TMEM108: variants seen among roughly 807,000 people sequenced by gnomAD.
The protein encoded by TMEM108 is cancer/testis antigen 124.
Under a neutral mutation model 35.1 loss-of-function variants are expected in TMEM108, and 12 were observed. That is an observed-to-expected ratio of 0.34 (90% CI 0.22 to 0.55). The LOEUF is 0.55. TMEM108 is among the 20% of genes least tolerant of loss of function. The pLI is 0.89. For synonymous variants in TMEM108, 287 were observed against 308.6 expected, an observed-to-expected ratio of 0.93 and a Z score of 0.73; for missense variants, 680 against 753.3, an observed-to-expected ratio of 0.90 and a Z score of 1.14.
chr3:133,201,475 C>T (rs887230361), intron 2 of TMEM108, among the ~76,000 whole-genome samples: 1 of 151,632 alleles, frequency 6.6e-6, no homozygotes, highest in African/African-American at 2.4e-5. Context: ...GACAGGCCCC[C>T]GTGTGTGATG....
intron 2 of TMEM108, among the ~76,000 whole-genome samples, chr3:133,097,090 G>T (rs1424347121): frequency 6.6e-6 from 1 of 152,260 alleles, no homozygotes; most frequent in Non-Finnish European, 1.5e-5. Flanking sequence ...TAGAGGCCAT[G>T]ACCTGGGTCA....
At chr3:133,395,510 C>T (rs1253678749) in intron 5 of TMEM108, among the ~76,000 whole-genome samples, 1 of 152,212 alleles carries the variant, frequency 6.6e-6, no homozygotes, top group Non-Finnish European at 1.5e-5. Context: ...GAGCCATGCA[C>T]TGTATGTGTG....
chr3:133,271,771 C>T (rs1946774334), intron 3 of TMEM108, among the ~76,000 whole-genome samples: 1 of 152,152 alleles, frequency 6.6e-6, no homozygotes, highest in African/African-American at 2.4e-5. Context: ...GCACGCTAAG[C>T]TTGTTTTAGT....
intron 2 of TMEM108, among the ~76,000 whole-genome samples, chr3:133,057,074 G>C (rs749422439): frequency 6.6e-6 from 1 of 152,080 alleles, no homozygotes; most frequent in African/African-American, 2.4e-5. Flanking sequence ...TGTTTAGCAT[G>C]AATTAAACCT....
intron 2 of TMEM108, among the ~76,000 whole-genome samples, chr3:133,074,597 C>G (rs1943718294): frequency 6.6e-6 from 1 of 152,222 alleles, no homozygotes; most frequent in African/African-American, 2.4e-5. Flanking sequence ...TCAAGCGATT[C>G]TCCTGCCTCA....
intron 2 of TMEM108, among the ~76,000 whole-genome samples, chr3:133,107,319 T>G (rs1161577324): frequency 6.6e-6 from 1 of 152,230 alleles, no homozygotes; most frequent in African/African-American, 2.4e-5. Flanking sequence ...GTTTCATTTT[T>G]AATCTTTTTC....
chr3:133,074,699 G>A (rs1400106543), intron 2 of TMEM108, among the ~76,000 whole-genome samples: 3 of 152,158 alleles, frequency 2.0e-5, no homozygotes, highest in Non-Finnish European at 4.4e-5. Flanking sequence ...ATGTTGGCCA[G>A]GCTAGTCTCG....
intron 3 of TMEM108, among the ~76,000 whole-genome samples, chr3:133,361,343 C>A (rs2072343198): frequency 6.6e-6 from 1 of 152,184 alleles, no homozygotes. Context: ...AAGTTTTAGG[C>A]AAATTACTTA....
chr3:133,340,989 C>T (rs1391478390), intron 3 of TMEM108, among the ~76,000 whole-genome samples: 1 of 151,786 alleles, frequency 6.6e-6, no homozygotes. Context: ...AGACTTTCCT[C>T]TAAGATCTAG....
intron 3 of TMEM108, among the ~76,000 whole-genome samples, chr3:133,297,707 G>A (rs1021230521): frequency 6.6e-6 from 1 of 152,188 alleles, no homozygotes; most frequent in Non-Finnish European, 1.5e-5. Context: ...TTTCTTTCTA[G>A]TCTTAAGAAC....
Position 133,261,825 on chromosome 3 carries a change from C to T in TMEM108, c.40+32474C>T, listed in dbSNP as rs558394717. On this transcript the variant is annotated intron_variant, in intron 3 of 5. Transcript: ENST00000321871. ...TATTTTAGCGGCTGCTTCAGGCAGA[C>T]AGATGCATTCCCAGCTTGGATGTTA... Among the ~76,000 whole-genome samples, 4 of 152,274 alleles carry T rather than the reference C, an allele frequency of 2.6e-5. No individual in the cohort carries two copies. The East Asian group carries it at 5.8e-4, about 22-fold the overall frequency.
At chr3:133,105,568 G>A (rs1944139558) in intron 2 of TMEM108, among the ~76,000 whole-genome samples, 1 of 152,136 alleles carries the variant, frequency 6.6e-6, no homozygotes, top group African/African-American at 2.4e-5. Context: ...CTTCACTGCA[G>A]TACCTGGGTT....
At chr3:133,272,962 G>A (rs1946793605) in intron 3 of TMEM108, among the ~76,000 whole-genome samples, 1 of 152,160 alleles carries the variant, frequency 6.6e-6, no homozygotes, top group Non-Finnish European at 1.5e-5. Context: ...GATGTCAACA[G>A]CGTCCGCATT....
intron 2 of TMEM108, among the ~76,000 whole-genome samples, chr3:133,153,595 C>T (rs1397339506): frequency 2.0e-5 from 3 of 152,152 alleles, no homozygotes; most frequent in Admixed American, 6.6e-5. Flanking sequence ...CCTTTTTATT[C>T]AGACTCTGGT....
chr3:133,373,044 T>C (rs2072722172), intron 3 of TMEM108, among the ~76,000 whole-genome samples: 1 of 152,168 alleles, frequency 6.6e-6, no homozygotes, highest in African/African-American at 2.4e-5. Flanking sequence ...AGATGGACCA[T>C]ACTAGAACAC....
At chr3:133,232,075 A>G (rs1369908753) in intron 3 of TMEM108, among the ~76,000 whole-genome samples, 1 of 152,178 alleles carries the variant, frequency 6.6e-6, no homozygotes, top group African/African-American at 2.4e-5. Context: ...CTTATAGCTA[A>G]GATAGGGAGA....
At chr3:133,202,526 G>A (rs539171427) in intron 2 of TMEM108, among the ~76,000 whole-genome samples, 66 of 152,112 alleles carry the variant, frequency 4.3e-4, no homozygotes, top group African/African-American at 1.3e-3. Flanking sequence ...GCTAGTTTTT[G>A]CAACACCATT....
At chr3:133,299,647 C>T (rs1947191949) in intron 3 of TMEM108, among the ~76,000 whole-genome samples, 1 of 152,138 alleles carries the variant, frequency 6.6e-6, no homozygotes, top group African/African-American at 2.4e-5. Context: ...TATGTTTTCT[C>T]ATATATGGCA....
chr3:133,176,843 C>CA (rs1198950511), intron 2 of TMEM108, among the ~76,000 whole-genome samples: 2 of 151,564 alleles, frequency 1.3e-5, no homozygotes, highest in Non-Finnish European at 3.0e-5. Context: ...AATAGAGACA[C>CA]AAAAAACCCT....
Sources: gnomAD v4.1 joint callset for allele counts (sites outside exome capture counted in the v4.1 genomes callset) on GRCh38, gnomAD v4.1.1 for gene constraint, MANE v1.5 for transcripts, NCBI Gene and HGNC (gene_info 2026-07-23, HGNC 2026-07-21) for gene names.